The following LCP1 variants were observed in gnomAD, a reference collection of about 807,000 sequenced individuals.
LCP1 encodes the protein plastin-2.
Under a neutral mutation model 72.0 loss-of-function variants are expected in LCP1, and 23 were observed. The observed-to-expected ratio is 0.32, with a 90% CI of 0.23 to 0.45. LCP1 has a LOEUF of 0.45. LCP1 is among the 20% of genes least tolerant of loss of function. The pLI is 1.00. For missense variants in LCP1, 571 were observed against 748.3 expected (o/e 0.76, Z 2.76); for synonymous variants, 245 against 275.4 (o/e 0.89, Z 1.09).
rs1353783674 is a variant in LCP1 at position 46,127,580 on chromosome 13, C to T, written c.*11G>A. On this transcript the variant is annotated 3_prime_UTR_variant, in exon 16 of 16. Transcript: ENST00000323076. ...GTGAGTGCACCGCCTCCCACCCAGC[C>T]CCATTGGGCCTCACACCCTCTTCAT... The T allele has an allele frequency of 1.2e-6, 2 of 1,614,062 alleles. No homozygotes were observed. Among genetic ancestry groups the T allele is most frequent in the African/African-American group, 2.7e-5 (2 of 75,046 alleles).
chr13:46,156,555 G>C lies in LCP1; in HGVS notation c.374C>G (p.Ala125Gly). Residue 125 changes from alanine (A) to glycine (G), a missense_variant, in exon 5 of 16, where the codon GCC becomes GGC. Coordinates refer to ENST00000323076, the MANE Select transcript of LCP1 (RefSeq NM_002298.5). The stretch of plus-strand genomic sequence containing the variant: ...GGCTTTGTTTATCCAGTTGACAAAG[G>C]CATACTTTTCTTCCTCTGCAAGTAA... Reference protein sequence around the residue: ...QHSYSEEEKYAFVNWINKALE... With the variant: ...QHSYSEEEKYGFVNWINKALE... The C allele has an allele frequency of 6.2e-7, 1 of 1,614,024 alleles. No individual in the cohort carries two copies. The highest frequency in any genetic ancestry group is 8.5e-7 in the Non-Finnish European group (1 of 1,179,986).
chr13:46,131,446 A>C (rs1368489564), intron 14 of LCP1, among the ~76,000 whole-genome samples: 4 of 152,198 alleles, frequency 2.6e-5, no homozygotes, highest in African/African-American at 9.7e-5. Flanking sequence ...AGCAGTTTGG[A>C]GTTTTCTCAA....
At chr13:46,150,884 A>C in intron 8 of LCP1, 52 bp downstream of exon 8, 2 of 1,570,802 alleles carry the variant, frequency 1.3e-6, no homozygotes, top group East Asian at 4.5e-5. Context: ...ATTATTGCCC[A>C]AATTCCCCTT....
At chr13:46,138,699 T>A (rs1215697117) in intron 13 of LCP1, among the ~76,000 whole-genome samples, 2 of 152,180 alleles carry the variant, frequency 1.3e-5, no homozygotes, top group East Asian at 1.9e-4. Context: ...CAGGCTGGAG[T>A]GCAGTGGCAT....
At chr13:46,159,917 G>A (rs899091043) in intron 1 of LCP1, among the ~76,000 whole-genome samples, 1 of 152,164 alleles carries the variant, frequency 6.6e-6, no homozygotes, top group Non-Finnish European at 1.5e-5. Context: ...TATACAGACT[G>A]CTCCTCACAT....
intron 6 of LCP1, among the ~76,000 whole-genome samples, chr13:46,153,763 T>C (rs570994608): frequency 1.2e-4 from 18 of 150,846 alleles, no homozygotes; most frequent in African/African-American, 4.4e-4. Flanking sequence ...CTGGAAAAGA[T>C]GGAATGGTTT....
intron 1 of LCP1, among the ~76,000 whole-genome samples, chr13:46,164,958 A>G (rs951770928): frequency 6.6e-6 from 1 of 152,244 alleles, no homozygotes; most frequent in Non-Finnish European, 1.5e-5. Context: ...CCTAAGGTCC[A>G]TAACTGAGCA....
chr13:46,179,806 AT>A (rs1365638646), intron 1 of LCP1, among the ~76,000 whole-genome samples: 1 of 152,028 alleles, frequency 6.6e-6, no homozygotes. Context: ...AAGAAATAAG[AT>A]TGGGGAAGTG....
intron 15 of LCP1, among the ~76,000 whole-genome samples, chr13:46,128,738 G>A (rs968569563): frequency 6.6e-6 from 1 of 152,084 alleles, no homozygotes; most frequent in Non-Finnish European, 1.5e-5. Context: ...TTTTCACATA[G>A]AATGATAATA....
chr13:46,127,806 G>A (rs778761777), intron 15 of LCP1, 83 bp from the exon 16 acceptor site: 16 of 1,523,262 alleles, frequency 1.1e-5, no homozygotes, highest in South Asian at 7.0e-5. Context: ...AGTCACAGTC[G>A]TTCCATAGTC....
chr13:46,174,845 A>AAAAAAAG (rs2045920848), intron 1 of LCP1, among the ~76,000 whole-genome samples: 1 of 144,168 alleles, frequency 6.9e-6, no homozygotes, highest in Non-Finnish European at 1.6e-5. Flanking sequence ...AAAAAAAAAA[A>AAAAAAAG]AAAAAAGAAA....
At chr13:46,143,253 G>T in intron 12 of LCP1, 37 bp downstream of exon 12, 1 of 1,405,754 alleles carries the variant, frequency 7.1e-7, no homozygotes, top group Non-Finnish European at 1.0e-6. Context: ...CTATGACTTT[G>T]CCTGTCTCCT....
chr13:46,136,177 C>T (rs117645024), intron 13 of LCP1, among the ~76,000 whole-genome samples: 1,567 of 152,216 alleles, frequency 0.01, 16 homozygotes, highest in Non-Finnish European at 0.014. Context: ...CCTCCATCCT[C>T]CTTCTGCCTC....
intron 13 of LCP1, among the ~76,000 whole-genome samples, chr13:46,141,302 A>G (rs1414739627): frequency 6.7e-6 from 1 of 148,822 alleles, no homozygotes; most frequent in African/African-American, 2.5e-5. Context: ...GCTACTCAGG[A>G]GGCTGAGGCA....
intron 6 of LCP1, 42 bp from the exon 7 acceptor site, chr13:46,152,987 G>A (rs2045778081): frequency 1.9e-6 from 3 of 1,569,892 alleles, no homozygotes; most frequent in Non-Finnish European, 2.6e-6. Flanking sequence ...CTATGACTTT[G>A]TAGATGCCAA....
chr13:46,170,869 C>T (rs900528054), intron 1 of LCP1, among the ~76,000 whole-genome samples: 1 of 152,066 alleles, frequency 6.6e-6, no homozygotes, highest in African/African-American at 2.4e-5. Context: ...TTTAGATCCA[C>T]AGGAAGAGGG....
At chr13:46,171,937 C>T (rs1013026008) in intron 1 of LCP1, among the ~76,000 whole-genome samples, 4 of 152,254 alleles carry the variant, frequency 2.6e-5, no homozygotes, top group Non-Finnish European at 4.4e-5. Flanking sequence ...CTCAGGGCGA[C>T]CAAGGGCCAA....
intron 13 of LCP1, among the ~76,000 whole-genome samples, chr13:46,137,087 G>A (rs2045669377): frequency 6.6e-6 from 1 of 152,084 alleles, no homozygotes; most frequent in Admixed American, 6.6e-5. Context: ...CCATGCTGGG[G>A]TTTGAGAACA....
chr13:46,132,191 C>T (rs2045638122), intron 14 of LCP1, among the ~76,000 whole-genome samples: 1 of 152,054 alleles, frequency 6.6e-6, no homozygotes, highest in Non-Finnish European at 1.5e-5. Context: ...AAAAGAATTG[C>T]CAAACCTTTC....
Sources: allele counts gnomAD v4.1 joint callset (sites outside exome capture counted in the v4.1 genomes callset), GRCh38; gene constraint gnomAD v4.1.1; transcripts MANE v1.5; gene names NCBI Gene and HGNC (gene_info 2026-07-23, HGNC 2026-07-21).